IFT80: variants seen among roughly 807,000 people sequenced by gnomAD.
IFT80 encodes the protein intraflagellar transport 80, also known as intraflagellar transport protein 80 homolog.
IFT80 carries 79 observed loss-of-function variants against 107.9 expected under a neutral mutation model. The ratio of observed to expected loss-of-function variants is 0.73; its 90% CI spans 0.61 to 0.88. IFT80 has a LOEUF of 0.88. IFT80 is among the 40% of genes least tolerant of loss of function. The probability of loss-of-function intolerance (pLI) is 0.00; values close to 1 mark genes in which losing one functional copy is unlikely to be tolerated. For synonymous variants in IFT80, 299 were observed against 300.9 expected (o/e 0.99, Z 0.07); for missense variants, 797 against 914.2 (o/e 0.87, Z 1.65).
At chr3:160,371,409 C>T (rs1324606469) in intron 5 of IFT80, among the ~76,000 whole-genome samples, 3 of 152,152 alleles carry the variant, frequency 2.0e-5, no homozygotes, top group African/African-American at 2.4e-5. Context: ...TAAGCACATT[C>T]CTTTGTATTA....
At chr3:160,317,891 T>C (rs1249333346) in intron 9 of IFT80, among the ~76,000 whole-genome samples, 1 of 151,970 alleles carries the variant, frequency 6.6e-6, no homozygotes, top group Non-Finnish European at 1.5e-5. Context: ...TAAAACTGGA[T>C]CCTGATTCAA....
In IFT80 at chr3:160,257,205, A is replaced by T. The variant is rs1174266317; in HGVS notation, c.*1320T>A. The T allele has an allele frequency of 6.6e-6, 1 of 152,156 alleles. No homozygotes were observed. Among genetic ancestry groups the T allele is most frequent in the East Asian group, 1.9e-4 (1 of 5,196 alleles). The allele number at this position is 152,156 out of a possible 1,614,324, so 9.4% of individuals were successfully genotyped here. ...CAATATTCCGGAAAAGAAAAGAAAC[A>T]TGTTAAAAAGAAAAGATTTTTATTT... On this transcript the variant is annotated 3_prime_UTR_variant, in exon 20 of 20. Transcript: ENST00000326448.
chr3:160,302,880 CTATT>C (rs1430431521), intron 11 of IFT80, among the ~76,000 whole-genome samples: 1 of 152,084 alleles, frequency 6.6e-6, no homozygotes, highest in East Asian at 1.9e-4. Context: ...TTTTCAATAA[CTATT>C]TAACTGATAA....
At chr3:160,368,631 A>T (rs940658958) in intron 5 of IFT80, among the ~76,000 whole-genome samples, 25 of 151,910 alleles carry the variant, frequency 1.6e-4, no homozygotes, top group Non-Finnish European at 3.2e-4. Context: ...TTTAACCTTA[A>T]TAAACTCCCC....
At chr3:160,328,236 T>C (rs1040216630) in intron 8 of IFT80, among the ~76,000 whole-genome samples, 2 of 151,190 alleles carry the variant, frequency 1.3e-5, no homozygotes, top group Non-Finnish European at 3.0e-5. Context: ...CTGAGGCGGG[T>C]GGATCACTTG....
At position 160,347,334 on chromosome 3, in the gene IFT80, T is replaced by C. The variant is rs115803080; in HGVS notation, c.777+8679A>G. On this transcript the variant is annotated intron_variant, in intron 8 of 19. Coordinates refer to ENST00000326448, the MANE Select transcript of IFT80 (RefSeq NM_020800.3). ...TGCTAGTGGTTTTTTTCATTAGATC[T>C]CAAAGCTCAGAAAAAATTGATTCTG... Among the ~76,000 whole-genome samples the C allele has an allele frequency of 2.4e-3, 369 of 152,234 alleles. 4 individuals carry two copies. The highest frequency in any genetic ancestry group is 8.5e-3 in the African/African-American group (354 of 41,546).
chr3:160,357,562 C>T lies in IFT80; in HGVS notation c.566G>A (p.Gly189Asp), dbSNP rs1721183765. The T allele has an allele frequency of 1.3e-6, 2 of 1,595,472 alleles. No homozygotes were observed. The highest frequency in any genetic ancestry group is 1.1e-5 in the South Asian group (1 of 90,340). Residue 189 changes from glycine to aspartate, a missense_variant, in exon 7 of 20, where the codon GGC becomes GAC. Coordinates refer to ENST00000326448, the MANE Select transcript of IFT80 (RefSeq NM_020800.3). ...GTTCCAATCTACTTTTAAAATAATG[C>T]CATCATGAGCTTTCCACTGTGAGAA... ...AKVLQWKAHD[G>D]IILKVDWNSV...
chr3:160,307,840 ATAAGT>A, intron 9 of IFT80, 59 bp from the exon 10 acceptor site: 1 of 880,390 alleles, frequency 1.1e-6, no homozygotes, highest in Non-Finnish European at 1.9e-6. Context: ...TTTTATTTAG[ATAAGT>A]TAGCAAGATT....
chr3:160,263,514 C>T (rs1463597180), intron 19 of IFT80, among the ~76,000 whole-genome samples: 1 of 152,174 alleles, frequency 6.6e-6, no homozygotes, highest in Non-Finnish European at 1.5e-5. Flanking sequence ...GGGTCCAGAG[C>T]AGTCACTCAG....
At chr3:160,378,157 G>A (rs926190391) in intron 3 of IFT80, among the ~76,000 whole-genome samples, 12 of 151,596 alleles carry the variant, frequency 7.9e-5, no homozygotes, top group Admixed American at 6.6e-4. Flanking sequence ...AATTATATAA[G>A]GCAAGTATTT....
chr3:160,344,767 CA>C (rs1272464061), intron 8 of IFT80, among the ~76,000 whole-genome samples: 2 of 151,950 alleles, frequency 1.3e-5, no homozygotes, highest in African/African-American at 4.8e-5. Context: ...ATAATATGAT[CA>C]AAAATTGGGC....
intron 16 of IFT80, among the ~76,000 whole-genome samples, 191 bp downstream of exon 16, chr3:160,279,002 A>C (rs1254298572): frequency 2.6e-5 from 4 of 152,222 alleles, no homozygotes; most frequent in Non-Finnish European, 4.4e-5. Context: ...TTAAATTTTT[A>C]TAGCGTCTTC....
At chr3:160,275,970 C>G (rs1714231117) in intron 18 of IFT80, among the ~76,000 whole-genome samples, 1 of 151,996 alleles carries the variant, frequency 6.6e-6, no homozygotes, top group Non-Finnish European at 1.5e-5. Context: ...CAGGTTCAAG[C>G]AATTCTCCTG....
chr3:160,359,309 C>T (rs1464697938), intron 6 of IFT80, among the ~76,000 whole-genome samples: 2 of 152,188 alleles, frequency 1.3e-5, no homozygotes, highest in Non-Finnish European at 2.9e-5. Context: ...TGTGATATAA[C>T]CAGCTTCCTG....
chr3:160,301,035 A>G lies in IFT80; in HGVS notation c.1163T>C (p.Leu388Pro). Reference protein sequence around the residue: ...LILQAERHFLLVDGSSIYLYS... With the variant: ...LILQAERHFLPVDGSSIYLYS... ...TAAATAGATACTACTACCATCTACA[A>G]GAAGAAAATGTCTAAAAAATAAAGA... The change falls in exon 12 of 20, where the codon CTT (leucine) becomes CCT (proline). Residue 388 changes from leucine (L) to proline (P), a missense_variant. Physicochemically the swap from Leu to Pro is moderately conservative, Grantham distance 98 (BLOSUM62 -3). Coordinates refer to ENST00000326448, the MANE Select transcript of IFT80 (RefSeq NM_020800.3). The G allele has an allele frequency of 6.3e-7, 1 of 1,576,164 alleles. No individual in the cohort carries two copies. The highest frequency in any genetic ancestry group is 8.7e-7 in the Non-Finnish European group (1 of 1,152,168).
intron 8 of IFT80, among the ~76,000 whole-genome samples, chr3:160,341,863 C>T (rs760322184): frequency 6.6e-6 from 1 of 152,186 alleles, no homozygotes; most frequent in Non-Finnish European, 1.5e-5. Flanking sequence ...TATCCTTTCC[C>T]TGGCTTCTGG....
rs1432402086 is a variant in IFT80, at chr3:160,282,465, A to G, written c.1516+13T>C. On this transcript the variant is annotated intron_variant, in intron 14 of 19. Coordinates refer to ENST00000326448, the MANE Select transcript of IFT80 (RefSeq NM_020800.3). ...TGACAATTAAAACTTAAAATGTATT[A>G]AAATTATTTTACCAAGCTTGATAAT... 3 of 1,528,326 alleles carry G rather than the reference A, an allele frequency of 2.0e-6. No homozygotes were observed. The highest frequency in any genetic ancestry group is 4.6e-4 in the Middle Eastern group (2 of 4,312). 94.7% of individuals were successfully genotyped at this position (1,528,326 alleles called of 1,614,324 possible).
At chr3:160,327,655 G>A (rs1183179025) in intron 8 of IFT80, among the ~76,000 whole-genome samples, 2 of 152,120 alleles carry the variant, frequency 1.3e-5, no homozygotes, top group Non-Finnish European at 2.9e-5. Flanking sequence ...AAGTGAAACT[G>A]GACCCCTTCC....
At chr3:160,348,842 T>C (rs1720473169) in intron 8 of IFT80, among the ~76,000 whole-genome samples, 1 of 152,210 alleles carries the variant, frequency 6.6e-6, no homozygotes, top group Non-Finnish European at 1.5e-5. Flanking sequence ...CATAATGTGT[T>C]ATTTCATTTA....
Sources: allele counts gnomAD v4.1 joint callset (sites outside exome capture counted in the v4.1 genomes callset), GRCh38; gene constraint gnomAD v4.1.1; transcripts MANE v1.5; gene names NCBI Gene and HGNC (gene_info 2026-07-23, HGNC 2026-07-21).